The following LCK variants were observed in gnomAD, a reference collection of about 807,000 sequenced individuals.
The protein encoded by LCK is tyrosine-protein kinase Lck.
Under a neutral mutation model 64.6 loss-of-function variants are expected in LCK, and 14 were observed. That is an observed-to-expected ratio of 0.22 (90% CI 0.14 to 0.34). LCK has a LOEUF of 0.34. LCK is among the 10% of genes least tolerant of loss of function. The pLI, the probability that LCK is intolerant of heterozygous loss-of-function variation, is 1.00. For synonymous variants in LCK, 277 were observed against 263.6 expected, an observed-to-expected ratio of 1.05 and a Z score of -0.49; for missense variants, 434 against 668.1, an observed-to-expected ratio of 0.65 and a Z score of 3.86.
intron 1 of LCK, among the ~76,000 whole-genome samples, chr1:32,259,289 T>TAAAAAAAA (rs10656936): frequency 8.1e-6 from 1 of 124,208 alleles, no homozygotes; most frequent in Non-Finnish European, 1.6e-5. Context: ...GCTTCTCAGG[T>TAAAAAAAA]AAAAAAAAAA....
chr1:32,282,305 C>T (rs1640484848), intron 12 of LCK, among the ~76,000 whole-genome samples: 1 of 152,138 alleles, frequency 6.6e-6, no homozygotes, highest in South Asian at 2.1e-4. Flanking sequence ...TGATAAATGG[C>T]AACTGACATA....
chr1:32,280,443 CTTTTTTTTTTTTTTTTTTT>C (rs770430504), intron 12 of LCK, among the ~76,000 whole-genome samples: 1 of 84,744 alleles, frequency 1.2e-5, no homozygotes, highest in Admixed American at 1.4e-4. Context: ...TTTTCTTTTT[CTTTTTTTTTTTTTTTTTTT>C]TTTTTTTTTT....
chr1:32,275,683 G>A lies in LCK; in HGVS notation c.481+11G>A, dbSNP rs1213589823. On this transcript the variant is annotated intron_variant, in intron 6 of 12. Coordinates refer to ENST00000336890, the MANE Select transcript of LCK (RefSeq NM_005356.5). This position sits in a 1 kb window ranked among gnomAD's most constrained non-coding sequence, Gnocchi z 6.9. ...GCGAGAGCACCGCGGGTGAGCGGGC[G>A]GCGGTCTCGACCGGGCGCGGGGGTG... The A allele has an allele frequency of 5.1e-6, 8 of 1,554,626 alleles. No individual in the cohort carries two copies. The highest frequency in any genetic ancestry group is 6.9e-6 in the Non-Finnish European group (8 of 1,151,418).
chr1:32,285,885 G>T lies in LCK; in HGVS notation c.*169G>T. 1.5e-6 allele frequency: 1 copy of T among 673,910 alleles called. No homozygotes were observed. Among genetic ancestry groups the T allele is most frequent in the Non-Finnish European group, 2.5e-6 (1 of 392,250 alleles). 41.7% of individuals were successfully genotyped at this position (673,910 alleles called of 1,614,324 possible). On this transcript the variant is annotated 3_prime_UTR_variant, in exon 13 of 13. Coordinates refer to ENST00000336890, the MANE Select transcript of LCK (RefSeq NM_005356.5). Reference sequence around the variant, plus strand: ...GTGTCTGTACACGTGTCCTGTAGTTGCGTGGACTCTGCACATGTCTTGTAC... The same window carrying T: ...GTGTCTGTACACGTGTCCTGTAGTTTCGTGGACTCTGCACATGTCTTGTAC...
chr1:32,255,130 A>G (rs751533833), intron 1 of LCK, among the ~76,000 whole-genome samples: 2 of 152,198 alleles, frequency 1.3e-5, no homozygotes, highest in Non-Finnish European at 2.9e-5. Flanking sequence ...AGATTTTCCC[A>G]TGTATGGCTG....
intron 1 of LCK, chr1:32,274,111 G>A: frequency 2.0e-6 from 2 of 1,024,566 alleles, no homozygotes; most frequent in Non-Finnish European, 2.7e-6. Context: ...CAGGGGCCGT[G>A]TGTGAATTTA....
chr1:32,277,729 C>T (rs1640325322), intron 9 of LCK, among the ~76,000 whole-genome samples: 1 of 152,194 alleles, frequency 6.6e-6, no homozygotes, highest in Admixed American at 6.5e-5. Context: ...TAGAGTCTGA[C>T]TGCCTGGGTC....
intron 9 of LCK, among the ~76,000 whole-genome samples, chr1:32,277,984 T>G (rs1640333765): frequency 6.6e-6 from 1 of 152,196 alleles, no homozygotes; most frequent in Non-Finnish European, 1.5e-5. Flanking sequence ...AAGACCAGTC[T>G]GTGCAACATA....
At chr1:32,285,115 C>A (rs1640575666) in intron 12 of LCK, among the ~76,000 whole-genome samples, 1 of 151,990 alleles carries the variant, frequency 6.6e-6, no homozygotes. Flanking sequence ...CCAGCCTGAC[C>A]AACATGGAGA....
At chr1:32,252,846 C>T (rs1639541391) in intron 1 of LCK, among the ~76,000 whole-genome samples, 1 of 152,124 alleles carries the variant, frequency 6.6e-6, no homozygotes, top group South Asian at 2.1e-4. Context: ...TTCAAGAGTG[C>T]GTAGGACATG....
In LCK at chr1:32,285,624, C is replaced by T. The variant is rs756619132; in HGVS notation, c.1438C>T (p.Arg480Cys). 1.9e-5 allele frequency: 30 copies of T among 1,614,086 alleles called. No individual in the cohort carries two copies. Among genetic ancestry groups the T allele is most frequent in the South Asian group, 1.1e-4 (10 of 91,090 alleles). The stretch of plus-strand genomic sequence containing the variant: ...ACTCATGAGGCTGTGCTGGAAGGAG[C>T]GCCCAGAGGACCGGCCCACCTTTGA... ...YQLMRLCWKERPEDRPTFDYL... is the reference protein window; with the variant it reads ...YQLMRLCWKECPEDRPTFDYL... Residue 480 changes from arginine to cysteine, a missense_variant, in exon 13 of 13, where the codon CGC becomes TGC. Transcript: ENST00000336890.
At chr1:32,263,232 A>G (rs2124321392) in intron 1 of LCK, among the ~76,000 whole-genome samples, 1 of 151,774 alleles carries the variant, frequency 6.6e-6, no homozygotes, top group African/African-American at 2.4e-5. Flanking sequence ...TCTCTACTAA[A>G]AATAATAAAA....
chr1:32,285,232 T>C (rs1292082738), intron 12 of LCK, among the ~76,000 whole-genome samples: 1 of 146,746 alleles, frequency 6.8e-6, no homozygotes, highest in Non-Finnish European at 1.5e-5. Flanking sequence ...ACCTGGGAGG[T>C]GGAGGTTGCG....
chr1:32,283,315 G>A (rs935577867), intron 12 of LCK, among the ~76,000 whole-genome samples: 1 of 145,652 alleles, frequency 6.9e-6, no homozygotes, highest in Admixed American at 6.8e-5. Flanking sequence ...AAAAAAAATT[G>A]TGAGAGTCCC....
At chr1:32,283,350 G>A (rs899677108) in intron 12 of LCK, among the ~76,000 whole-genome samples, 66 of 149,968 alleles carry the variant, frequency 4.4e-4, no homozygotes, top group African/African-American at 1.6e-3. Context: ...CCTTGTACAA[G>A]TCCTGGGGAA....
chr1:32,261,307 G>A (rs946846556), intron 1 of LCK, among the ~76,000 whole-genome samples: 3 of 148,242 alleles, frequency 2.0e-5, no homozygotes, highest in African/African-American at 2.5e-5. Flanking sequence ...GAGTGCAGTG[G>A]CGTGATGTCC....
At chr1:32,254,742 T>C (rs968512014) in intron 1 of LCK, among the ~76,000 whole-genome samples, 4 of 151,010 alleles carry the variant, frequency 2.6e-5, no homozygotes, top group African/African-American at 9.7e-5. Context: ...GAACTCCCGA[T>C]CTCAGGTGAT....
chr1:32,277,074 G>A, intron 9 of LCK: 1 of 206,144 alleles, frequency 4.9e-6, no homozygotes, highest in South Asian at 1.0e-4. Context: ...GCCAGGTGTG[G>A]TGGCACATGC....
chr1:32,270,576 G>A (rs1036491654), intron 1 of LCK, among the ~76,000 whole-genome samples: 1 of 147,936 alleles, frequency 6.8e-6, no homozygotes, highest in African/African-American at 2.5e-5. Context: ...TGTATTTTTA[G>A]TAGACACGGG....
Sources: gnomAD v4.1 joint callset for allele counts (sites outside exome capture counted in the v4.1 genomes callset) on GRCh38, gnomAD v4.1.1 for gene constraint, Gnocchi (gnomAD v3.1) non-coding constraint, MANE v1.5 for transcripts, NCBI Gene and HGNC (gene_info 2026-07-23, HGNC 2026-07-21) for gene names.